Variants in PKD1L1 observed in about 807,000 individuals in gnomAD.
PKD1L1 encodes polycystin-1-like protein 1.
Under a neutral mutation model 323.4 loss-of-function variants are expected in PKD1L1, and 236 were observed. The observed-to-expected ratio is 0.73, with a 90% CI of 0.66 to 0.81. The LOEUF (loss-of-function observed/expected upper bound fraction) is 0.81. PKD1L1 is among the 40% of genes least tolerant of loss of function. The pLI is 0.00. For missense variants in PKD1L1, 3,320 were observed against 3,508.0 expected (o/e 0.95, Z 1.35); for synonymous variants, 1,344 against 1,335.0 (o/e 1.01, Z -0.15).
intron 56 of PKD1L1, among the ~76,000 whole-genome samples, chr7:47,777,209 T>C (rs1244400369): frequency 6.6e-6 from 1 of 152,228 alleles, no homozygotes; most frequent in Non-Finnish European, 1.5e-5. Flanking sequence ...AAATTCTGAC[T>C]ATCCCAAATG....
intron 31 of PKD1L1, among the ~76,000 whole-genome samples, chr7:47,849,487 C>T (rs753232325): frequency 1.3e-5 from 2 of 152,090 alleles, no homozygotes; most frequent in African/African-American, 4.8e-5. Flanking sequence ...ATAAGGAACT[C>T]AAACAAATCG....
At chr7:47,788,579 T>TATATATATATA (rs200657195) in intron 56 of PKD1L1, among the ~76,000 whole-genome samples, 1 of 70,630 alleles carries the variant, frequency 1.4e-5, no homozygotes, top group Non-Finnish European at 3.0e-5. Context: ...ATATATATAT[T>TATATATATATA]TTTTTTTTTT....
intron 14 of PKD1L1, among the ~76,000 whole-genome samples, chr7:47,895,723 G>A (rs1027259141): frequency 6.6e-6 from 1 of 152,196 alleles, no homozygotes; most frequent in African/African-American, 2.4e-5. Flanking sequence ...GCACTTAAAT[G>A]CGTAGTCAAA....
At chr7:47,804,800 T>C (rs1191864831) in intron 52 of PKD1L1, among the ~76,000 whole-genome samples, 1 of 152,170 alleles carries the variant, frequency 6.6e-6, no homozygotes, top group Non-Finnish European at 1.5e-5. Flanking sequence ...TTAATTTTCA[T>C]ACTAAGTTTA....
In PKD1L1 at chr7:47,898,214, G is replaced by C; in HGVS notation, c.2065-20C>G. 1 of 1,596,890 alleles carries C rather than the reference G, an allele frequency of 6.3e-7. No individual in the cohort carries two copies. Among genetic ancestry groups the C allele is most frequent in the African/African-American group, 1.3e-5 (1 of 74,604 alleles). On this transcript the variant is annotated intron_variant, in intron 13 of 56. Coordinates refer to ENST00000289672, the MANE Select transcript of PKD1L1 (RefSeq NM_138295.5). ...CCATATCTAAGTATCAAGAAGAGAAGATGTCTCATTAAAATGTCCATCACA... is the reference window on the plus strand; with the variant it reads ...CCATATCTAAGTATCAAGAAGAGAACATGTCTCATTAAAATGTCCATCACA...
intron 3 of PKD1L1, among the ~76,000 whole-genome samples, chr7:47,939,462 T>A (rs1193677725): frequency 1.3e-5 from 2 of 152,140 alleles, no homozygotes; most frequent in African/African-American, 4.8e-5. Flanking sequence ...CAATGCTTAT[T>A]CTGGGTGAAA....
intron 13 of PKD1L1, among the ~76,000 whole-genome samples, chr7:47,899,955 C>CAAAAAAAAAAAAAAAAAAAAA (rs10639721): frequency 9.4e-6 from 1 of 106,510 alleles, no homozygotes; most frequent in Non-Finnish European, 1.8e-5. Flanking sequence ...GACTCCATCC[C>CAAAAAAAAAAAAAAAAAAAAA]AAAAAAAAAA....
chr7:47,902,438 T>A lies in PKD1L1; in HGVS notation c.2005A>T (p.Ile669Phe), dbSNP rs143597419. 6.2e-7 allele frequency: 1 copy of A among 1,614,150 alleles called. No individual in the cohort carries two copies. The change falls in exon 13 of 57, where the codon ATC (isoleucine) becomes TTC (phenylalanine). Residue 669 changes from isoleucine (I) to phenylalanine (F), a missense_variant. By Grantham distance (21) the Ile-to-Phe change is conservative (BLOSUM62 0). Transcript: ENST00000289672. ...GGTGGCTGGCAGGGCTCGCACACGA[T>A]GAAAAGTTGCTGTCTTAGAGTGGAG... is the stretch of plus-strand genomic sequence containing the variant. The part of the protein sequence containing the change: ...SASTLRQQLF[I>F]VCEPCQPPLV...
rs145475669 is a variant in PKD1L1 at position 47,832,585 on chromosome 7, G to A, written c.6337+505C>T. Among the ~76,000 whole-genome samples, 37 of 152,296 alleles carry A rather than the reference G, an allele frequency of 2.4e-4. 1 individual carries two copies. The highest frequency in any genetic ancestry group is 7.0e-4 in the African/African-American group (29 of 41,560). ...AAAACCATCTGCTCATGTACCATGT[G>A]GCTCTAGGATCCCAAAGCCACACAT... On this transcript the variant is annotated intron_variant, in intron 41 of 56. Coordinates refer to ENST00000289672, the MANE Select transcript of PKD1L1 (RefSeq NM_138295.5).
chr7:47,931,053 A>C, intron 6 of PKD1L1, 51 bp downstream of exon 6: 1 of 1,562,868 alleles, frequency 6.4e-7, no homozygotes, highest in Non-Finnish European at 8.8e-7. Flanking sequence ...GGATGGTTCC[A>C]GACTGGGGAT....
In PKD1L1 at chr7:47,839,741, C is replaced by T. The variant is rs748588227; in HGVS notation, c.5553-79G>A. ...CATCCCATCAGCCCCAATGCTCACCCTCAAGGCACTGATGGCCCACAGAGG... is the reference window on the plus strand; with the variant it reads ...CATCCCATCAGCCCCAATGCTCACCTTCAAGGCACTGATGGCCCACAGAGG... On this transcript the variant is annotated intron_variant, in intron 35 of 56. Coordinates refer to ENST00000289672, the MANE Select transcript of PKD1L1 (RefSeq NM_138295.5). The surrounding 1 kb of genome is among the most constrained non-coding windows in gnomAD (Gnocchi z 4.3). The T allele has an allele frequency of 1.5e-6, 2 of 1,351,070 alleles. No homozygotes were observed. The highest frequency in any genetic ancestry group is 2.0e-6 in the Non-Finnish European group (2 of 979,328). 83.7% of individuals were successfully genotyped at this position (1,351,070 alleles called of 1,614,324 possible).
At chr7:47,833,315 C>A in intron 40 of PKD1L1, 63 bp from the exon 41 acceptor site, 1 of 1,548,348 alleles carries the variant, frequency 6.5e-7, no homozygotes, top group South Asian at 1.2e-5. Context: ...ACGTGACGCT[C>A]AACAGTGGTG....
At position 47,832,970 on chromosome 7, in the gene PKD1L1, T is replaced by C. The variant is rs17131830; in HGVS notation, c.6337+120A>G. On this transcript the variant is annotated intron_variant, in intron 41 of 56. Transcript: ENST00000289672. ...GGTGGGCCCATGCCTGGTTTTTAGA[T>C]GAGACTAGAGTATTCAGTGACATTT... 4.5e-3 allele frequency: 5,903 copies of C among 1,322,494 alleles called. 213 individuals carry two copies. In the African/African-American group the frequency reaches 0.075, roughly 17 times the overall value. 81.9% of individuals were successfully genotyped at this position (1,322,494 alleles called of 1,614,324 possible). A position where few individuals can be genotyped will look rare whatever the true frequency, so the allele number is the denominator to read the frequency against.
intron 19 of PKD1L1, among the ~76,000 whole-genome samples, chr7:47,883,541 T>TATG (rs1786612073): frequency 6.6e-6 from 1 of 152,234 alleles, no homozygotes; most frequent in Admixed American, 6.5e-5. Context: ...CTTCCCCATG[T>TATG]GGCCTTGTGT....
chr7:47,807,405 T>C (rs916765128), intron 52 of PKD1L1, among the ~76,000 whole-genome samples: 4 of 151,926 alleles, frequency 2.6e-5, no homozygotes, highest in African/African-American at 7.3e-5. Context: ...GGCAGATGAA[T>C]GGACCTGGGG....
intron 27 of PKD1L1, among the ~76,000 whole-genome samples, chr7:47,858,337 T>C (rs1785948745): frequency 6.6e-6 from 1 of 151,248 alleles, no homozygotes. Flanking sequence ...CAATAAATCA[T>C]TTGCATTACT....
chr7:47,925,406 A>G (rs1020551546), intron 7 of PKD1L1, among the ~76,000 whole-genome samples: 4 of 152,200 alleles, frequency 2.6e-5, no homozygotes, highest in Non-Finnish European at 5.9e-5. Context: ...AGAAAGATGC[A>G]CGGAAAAAAT....
At chr7:47,817,107 C>T (rs375945946) in intron 46 of PKD1L1, among the ~76,000 whole-genome samples, 4 of 152,152 alleles carry the variant, frequency 2.6e-5, no homozygotes, top group South Asian at 2.1e-4. Context: ...CGTGATGGTA[C>T]GCGCCTGTAA....
chr7:47,891,300 A>G (rs932601160), intron 15 of PKD1L1, among the ~76,000 whole-genome samples: 7 of 152,192 alleles, frequency 4.6e-5, no homozygotes, highest in Admixed American at 4.6e-4. Context: ...GTCTTTCTGC[A>G]ATATAACAAT....
Sources: allele counts gnomAD v4.1 joint callset (sites outside exome capture counted in the v4.1 genomes callset), GRCh38; gene constraint gnomAD v4.1.1; non-coding constraint Gnocchi (gnomAD v3.1); transcripts MANE v1.5; gene names NCBI Gene and HGNC (gene_info 2026-07-23, HGNC 2026-07-21).